The following SLF1 variants were observed in gnomAD, a reference collection of about 807,000 sequenced individuals.
The protein encoded by SLF1 is SMC5/6 complex localization factor 1, also known as SMC5-SMC6 complex localization factor protein 1.
SLF1 carries 105 observed loss-of-function variants against 123.0 expected under a neutral mutation model. The ratio of observed to expected loss-of-function variants is 0.85; its 90% confidence interval spans 0.73 to 1.00. The LOEUF is 1.00. SLF1 is among the 50% of genes least tolerant of loss of function. The pLI, the probability that SLF1 is intolerant of heterozygous loss-of-function variation, is 0.00. For synonymous variants in SLF1, 434 were observed against 406.6 expected (o/e 1.07, Z -0.81); for missense variants, 1,239 against 1,223.0 (o/e 1.01, Z -0.20).
At chr5:94,620,624 A>G (rs1005870056) in intron 1 of SLF1, among the ~76,000 whole-genome samples, 2 of 152,214 alleles carry the variant, frequency 1.3e-5, no homozygotes, top group Non-Finnish European at 2.9e-5. Context: ...TAAAATAAAA[A>G]ATTCTGTGTT....
At chr5:94,642,247 T>C (rs1041244991) in intron 4 of SLF1, among the ~76,000 whole-genome samples, 18 of 152,206 alleles carry the variant, frequency 1.2e-4, no homozygotes, top group Non-Finnish European at 2.4e-4. Context: ...AGCCCACTTA[T>C]GCTGTCAAGG....
chr5:94,637,841 C>G (rs1181677391), intron 4 of SLF1, among the ~76,000 whole-genome samples: 1 of 152,116 alleles, frequency 6.6e-6, no homozygotes, highest in African/African-American at 2.4e-5. Flanking sequence ...CTTTCCCATC[C>G]TAAGAAGAAT....
intron 9 of SLF1, among the ~76,000 whole-genome samples, chr5:94,662,024 C>T (rs1193310401): frequency 2.6e-5 from 4 of 152,004 alleles, no homozygotes; most frequent in East Asian, 1.9e-4. Context: ...CTAATAATTA[C>T]GACACTAAGG....
intron 4 of SLF1, among the ~76,000 whole-genome samples, chr5:94,635,447 G>T (rs1220702854): frequency 2.7e-5 from 4 of 149,934 alleles, no homozygotes; most frequent in Non-Finnish European, 4.4e-5. Flanking sequence ...GGTGGGTAAG[G>T]AACTTACTGC....
chr5:94,651,739 C>A lies in SLF1; in HGVS notation c.776C>A (p.Ser259Tyr). Reference sequence around the variant, plus strand: ...AATCATGAAGATGTTAATGTTGGTTCTATTTTGATTCAACATCACAAAAAA... The same window carrying A: ...AATCATGAAGATGTTAATGTTGGTTATATTTTGATTCAACATCACAAAAAA... Reference protein sequence around the residue: ...MQNHEDVNVGSILIQHHKKEK... With the variant: ...MQNHEDVNVGYILIQHHKKEK... Residue 259 changes from serine (S) to tyrosine (Y), a missense_variant, in exon 7 of 21, where the codon TCT becomes TAT. Physicochemically the swap from Ser to Tyr is moderately radical, Grantham distance 144. Coordinates refer to ENST00000265140, the MANE Select transcript of SLF1 (RefSeq NM_032290.4). 6.6e-7 allele frequency: 1 copy of A among 1,520,174 alleles called. No homozygotes were observed. Among genetic ancestry groups the A allele is most frequent in the South Asian group, 1.3e-5 (1 of 77,468 alleles). The allele number at this position is 1,520,174 out of a possible 1,614,324, so 94.2% of individuals were successfully genotyped here. A position where few individuals can be genotyped will look rare whatever the true frequency, so the allele number is the denominator to read the frequency against.
In SLF1 at chr5:94,686,256, T is replaced by G. The variant is rs116286966; in HGVS notation, c.1976-317T>G. Among the ~76,000 whole-genome samples the G allele has an allele frequency of 4.7e-3, 723 of 152,326 alleles. 6 individuals carry two copies. Among genetic ancestry groups the G allele is most frequent in the African/African-American group, 0.015 (638 of 41,570 alleles). ...GATCTTTAATGGTAGTTGGAAAGTA[T>G]AGTGATAAATAAAATCCCCTCTATA... On this transcript the variant is annotated intron_variant, in intron 15 of 20. Coordinates refer to ENST00000265140, the MANE Select transcript of SLF1 (RefSeq NM_032290.4).
intron 4 of SLF1, among the ~76,000 whole-genome samples, chr5:94,637,752 G>T (rs977590647): frequency 2.0e-5 from 3 of 152,078 alleles, no homozygotes; most frequent in African/African-American, 7.2e-5. Context: ...GTCTTTGGAT[G>T]TGTGTTAAGG....
intron 16 of SLF1, among the ~76,000 whole-genome samples, chr5:94,688,125 CTT>C (rs935743509): frequency 2.7e-5 from 4 of 149,774 alleles, no homozygotes; most frequent in African/African-American, 9.8e-5. Flanking sequence ...TGAAGAAAGA[CTT>C]GTTTTCTGTT....
intron 5 of SLF1, among the ~76,000 whole-genome samples, chr5:94,648,731 T>G (rs1747350203): frequency 6.6e-6 from 1 of 152,202 alleles, no homozygotes; most frequent in South Asian, 2.1e-4. Flanking sequence ...CCACCCGCCT[T>G]GGCTTCCCAA....
At chr5:94,689,413 T>C (rs971976399) in intron 17 of SLF1, 60 bp from the exon 18 acceptor site, 4 of 1,534,418 alleles carry the variant, frequency 2.6e-6, no homozygotes, top group African/African-American at 1.4e-5. Flanking sequence ...TACCATCTAA[T>C]GTATGCTGGC....
intron 4 of SLF1, among the ~76,000 whole-genome samples, chr5:94,641,573 G>T (rs1467146637): frequency 2.0e-5 from 3 of 152,042 alleles, no homozygotes; most frequent in African/African-American, 7.2e-5. Flanking sequence ...CTTATTATGG[G>T]GACTGGACTG....
At chr5:94,665,830 TTTTA>T (rs1749690110) in intron 11 of SLF1, 27 bp from the exon 12 acceptor site, 5 of 1,505,644 alleles carry the variant, frequency 3.3e-6, no homozygotes, top group Non-Finnish European at 4.5e-6. Context: ...AGCTATAGTG[TTTTA>T]TTTGTTTGTT....
In SLF1 at chr5:94,643,448, A is replaced by G; in HGVS notation, c.594+13A>G. On this transcript the variant is annotated intron_variant, in intron 5 of 20. Coordinates refer to ENST00000265140, the MANE Select transcript of SLF1 (RefSeq NM_032290.4). ...TTTTCTTTTAGAGGTAAGTAAAATA[A>G]ATAGTAAACATTTTATTTTGTTTCA... is the stretch of plus-strand genomic sequence containing the variant. 7.2e-7 allele frequency: 1 copy of G among 1,387,494 alleles called. No individual in the cohort carries two copies. The highest frequency in any genetic ancestry group is 1.6e-5 in the South Asian group (1 of 64,476). 85.9% of individuals were successfully genotyped at this position (1,387,494 alleles called of 1,614,324 possible). A position where few individuals can be genotyped will look rare whatever the true frequency, so the allele number is the denominator to read the frequency against.
chr5:94,628,034 T>C (rs1330873581), intron 1 of SLF1, among the ~76,000 whole-genome samples: 5 of 151,656 alleles, frequency 3.3e-5, no homozygotes, highest in Non-Finnish European at 5.9e-5. Flanking sequence ...ACCATGTTGG[T>C]CAGGCTGGTC....
intron 4 of SLF1, among the ~76,000 whole-genome samples, chr5:94,638,917 A>G (rs1746118348): frequency 6.6e-6 from 1 of 152,026 alleles, no homozygotes; most frequent in Admixed American, 6.5e-5. Flanking sequence ...TTAAAAATGT[A>G]ATTTGACAAT....
intron 1 of SLF1, among the ~76,000 whole-genome samples, chr5:94,625,669 C>A (rs1792172975): frequency 6.6e-6 from 1 of 152,066 alleles, no homozygotes; most frequent in African/African-American, 2.4e-5. Context: ...AGGCGTGAGC[C>A]ACCATGCCCG....
At chr5:94,635,422 T>G (rs1692307818) in intron 4 of SLF1, among the ~76,000 whole-genome samples, 1 of 150,852 alleles carries the variant, frequency 6.6e-6, no homozygotes, top group South Asian at 2.1e-4. Context: ...TCCATTTATG[T>G]TTAGGGTTAT....
intron 6 of SLF1, 52 bp downstream of exon 6, chr5:94,649,649 G>GT: frequency 7.4e-7 from 1 of 1,347,018 alleles, no homozygotes; most frequent in Non-Finnish European, 9.7e-7. Flanking sequence ...TTATAGAATT[G>GT]TTTAAGAGGC....
chr5:94,684,697 CAAAAAAAAAA>C lies in SLF1; in HGVS notation c.1976-1859_1976-1850del, dbSNP rs397882900. 2.5e-4 allele frequency among the ~76,000 whole-genome samples: 17 copies of C among 68,846 alleles called. No homozygotes were observed. In the Admixed American group the frequency reaches 2.6e-3, roughly 11 times the overall value. The allele number at this position is 68,846 out of a possible 152,430, so 45.2% of individuals were successfully genotyped here. On this transcript the variant is annotated intron_variant, in intron 15 of 20. Coordinates refer to ENST00000265140, the MANE Select transcript of SLF1 (RefSeq NM_032290.4). ...TGGGCAATAGAGCGAGACTCTGTCT[CAAAAAAAAAA>C]AAAAAAAAAAAAAAAAGTATCTCTG...
Sources: allele counts gnomAD v4.1 joint callset (sites outside exome capture counted in the v4.1 genomes callset), GRCh38; gene constraint gnomAD v4.1.1; transcripts MANE v1.5; gene names NCBI Gene and HGNC (gene_info 2026-07-23, HGNC 2026-07-21).